ERICH2: variants seen among roughly 807,000 people sequenced by gnomAD.
ERICH2 encodes the protein glutamate rich 2, also known as glutamate-rich protein 2.
ERICH2 carries 17 observed loss-of-function variants against 17.4 expected under a neutral mutation model. That is an observed-to-expected ratio of 0.98 (90% CI 0.67 to 1.47). The LOEUF (loss-of-function observed/expected upper bound fraction) is 1.47, where lower values mean the gene tolerates loss of function less well. ERICH2 is among the 40% of genes most tolerant of loss of function. The pLI is 0.00. For synonymous variants in ERICH2, 51 were observed against 61.1 expected (o/e 0.83, Z 0.77); for missense variants, 186 against 183.2 (o/e 1.01, Z -0.09).
At chr2:170,786,957 ATTCTAGGTCAGT>A (rs1393408571) in intron 2 of ERICH2, among the ~76,000 whole-genome samples, 2 of 152,062 alleles carry the variant, frequency 1.3e-5, no homozygotes, top group African/African-American at 4.8e-5. Context: ...GTCTTTGTTA[ATTCTAGGTCAGT>A]TTCTACTGAT....
the ERICH2 span, among the ~76,000 whole-genome samples, chr2:170,774,870 C>T: frequency 3.3e-5 from 5 of 151,086 alleles, no homozygotes; most frequent in African/African-American, 1.2e-4. Flanking sequence ...CCACCACGCC[C>T]AGCCCAAGAG....
chr2:170,789,102 A>C (rs1701223064), intron 2 of ERICH2, among the ~76,000 whole-genome samples: 1 of 151,264 alleles, frequency 6.6e-6, no homozygotes, highest in Non-Finnish European at 1.5e-5. Context: ...CTGAGATTAC[A>C]GGTATGCACC....
At chr2:170,780,694 C>T (rs1455755206), upstream of ERICH2, among the ~76,000 whole-genome samples, 1 of 152,084 alleles carries the variant, frequency 6.6e-6, no homozygotes, top group Non-Finnish European at 1.5e-5. Context: ...TCATCTTACA[C>T]TTATATTTGG....
upstream of ERICH2, among the ~76,000 whole-genome samples, chr2:170,781,349 TG>T (rs1319238036): frequency 6.6e-6 from 1 of 152,070 alleles, no homozygotes; most frequent in Non-Finnish European, 1.5e-5. Context: ...AAAAGAGACT[TG>T]GGGGGCTGGG....
chr2:170,780,573 A>G (rs529527943), upstream of ERICH2, among the ~76,000 whole-genome samples: 2 of 152,228 alleles, frequency 1.3e-5, no homozygotes, highest in Non-Finnish European at 2.9e-5. Context: ...ACCCAGAACT[A>G]TACTAGCTAA....
At chr2:170,788,445 G>T (rs1701205562) in intron 2 of ERICH2, among the ~76,000 whole-genome samples, 1 of 151,376 alleles carries the variant, frequency 6.6e-6, no homozygotes, top group Non-Finnish European at 1.5e-5. Flanking sequence ...TTTTCACAAT[G>T]CGTCCCTTTT....
chr2:170,776,706 C>T, the ERICH2 span, among the ~76,000 whole-genome samples: 5 of 151,906 alleles, frequency 3.3e-5, no homozygotes, highest in East Asian at 9.7e-4. Flanking sequence ...TTTTGTGACA[C>T]CAATAAACTG....
chr2:170,773,483 T>C, the ERICH2 span, among the ~76,000 whole-genome samples: 4 of 152,386 alleles, frequency 2.6e-5, no homozygotes, highest in East Asian at 7.7e-4. Context: ...TGATTGGTCC[T>C]GGTAATCACT....
chr2:170,787,685 C>T (rs73021408), intron 2 of ERICH2, among the ~76,000 whole-genome samples: 1 of 152,218 alleles, frequency 6.6e-6, no homozygotes, highest in South Asian at 2.1e-4. Context: ...ACTCCCTCCT[C>T]TTTTGAAAAT....
At chr2:170,782,400 T>G (rs1231459110), upstream of ERICH2, 1 of 980,906 alleles carries the variant, frequency 1.0e-6, no homozygotes, top group Non-Finnish European at 1.2e-6. Flanking sequence ...GTAATAACAT[T>G]TGTTTCATTG....
At chr2:170,786,712 A>G (rs1357024785) in intron 2 of ERICH2, among the ~76,000 whole-genome samples, 5 of 152,084 alleles carry the variant, frequency 3.3e-5, no homozygotes, top group Non-Finnish European at 7.4e-5. Context: ...TTTTTAGATA[A>G]TATCTATTGC....
chr2:170,792,637 T>C (rs1473187991), intron 2 of ERICH2, among the ~76,000 whole-genome samples: 1 of 152,232 alleles, frequency 6.6e-6, no homozygotes, highest in Non-Finnish European at 1.5e-5. Flanking sequence ...ATACACAGTA[T>C]GGCTGCAGGA....
the ERICH2 span, among the ~76,000 whole-genome samples, chr2:170,771,919 G>A: frequency 6.6e-6 from 1 of 152,106 alleles, no homozygotes; most frequent in South Asian, 2.1e-4. This position sits in a 1 kb window ranked among gnomAD's most constrained non-coding sequence, Gnocchi z 4.8. Context: ...GAGAACCCCT[G>A]GAAGTCGCTT....
upstream of ERICH2, among the ~76,000 whole-genome samples, chr2:170,781,183 T>C (rs919203539): frequency 4.6e-5 from 7 of 152,220 alleles, no homozygotes. Flanking sequence ...ACTAATGTTC[T>C]GGATTCACAT....
At chr2:170,771,097 AC>A in the ERICH2 span, 2 of 147,818 alleles carry the variant, frequency 1.4e-5, no homozygotes, top group East Asian at 4.2e-4. This position sits in a 1 kb window ranked among gnomAD's most constrained non-coding sequence, Gnocchi z 4.8. Flanking sequence ...TGCGTTCCCG[AC>A]TCGGAGCCCC....
At chr2:170,791,563 G>A (rs557533934) in intron 2 of ERICH2, among the ~76,000 whole-genome samples, 1,939 of 149,526 alleles carry the variant, frequency 0.013, 56 homozygotes, top group African/African-American at 0.042. Flanking sequence ...GGTGGCAGGC[G>A]CCTGTAGTCC....
intron 3 of ERICH2, among the ~76,000 whole-genome samples, chr2:170,795,493 A>G (rs1278608779): frequency 1.3e-5 from 2 of 152,118 alleles, no homozygotes; most frequent in African/African-American, 2.4e-5. Flanking sequence ...GACTGTGGAC[A>G]CGTAAAACCA....
chr2:170,785,764 T>C (rs1273799795), intron 2 of ERICH2, among the ~76,000 whole-genome samples: 1 of 152,060 alleles, frequency 6.6e-6, no homozygotes, highest in African/African-American at 2.4e-5. Flanking sequence ...GAGAAGGCAT[T>C]ACTGGCATCA....
At chr2:170,779,783 AT>A, upstream of ERICH2, 1 of 951,866 alleles carries the variant, frequency 1.1e-6, no homozygotes, top group Non-Finnish European at 1.3e-6. Context: ...TCCCATTTTT[AT>A]ACCTCAAGTA....
Sources: gnomAD v4.1 joint callset for allele counts (sites outside exome capture counted in the v4.1 genomes callset) on GRCh38, gnomAD v4.1.1 for gene constraint, Gnocchi (gnomAD v3.1) non-coding constraint, MANE v1.5 for transcripts, NCBI Gene and HGNC (gene_info 2026-07-23, HGNC 2026-07-21) for gene names.